The following HNRNPK variants were observed in gnomAD, a reference collection of about 807,000 sequenced individuals.
HNRNPK encodes heterogeneous nuclear ribonucleoprotein K, also known as dC-stretch binding protein.
HNRNPK carries 7 observed loss-of-function variants against 67.0 expected under a neutral mutation model. The observed-to-expected ratio is 0.10, with a 90% CI of 0.06 to 0.20. HNRNPK has a LOEUF of 0.20. Ranked by LOEUF, HNRNPK falls within the 10% of genes least tolerant of loss-of-function variation. HNRNPK has a pLI of 1.00. For missense variants in HNRNPK, 264 were observed against 606.5 expected (o/e 0.44, Z 5.93); for synonymous variants, 213 against 193.7 (o/e 1.10, Z -0.83).
chr9:83,971,749 A>T, intron 11 of HNRNPK, 23 bp from the exon 12 acceptor site: 1 of 1,610,586 alleles, frequency 6.2e-7, no homozygotes, highest in Non-Finnish European at 8.5e-7. Context: ...TACTTGTTGT[A>T]ATCTAAACGT....
In HNRNPK at chr9:83,969,014, T is replaced by TA. The variant is rs1226137562; in HGVS notation, c.*392dup. 1 of 336,904 alleles carries TA rather than the reference T, an allele frequency of 3.0e-6. No individual in the cohort carries two copies. The highest frequency in any genetic ancestry group is 5.4e-6 in the Non-Finnish European group (1 of 183,918). 20.9% of individuals were successfully genotyped at this position (336,904 alleles called of 1,614,324 possible). A position where few individuals can be genotyped will look rare whatever the true frequency, so the allele number is the denominator to read the frequency against. ...ATGCCAGGGACATGTGGACTATTGT[T>TA]ACTTTTCCTCCCTGTCCCACCCCCC... On this transcript the variant is annotated 3_prime_UTR_variant, in exon 17 of 17. Transcript: ENST00000376263.
intron 9 of HNRNPK, 138 bp from the exon 10 acceptor site, chr9:83,973,110 A>G: frequency 1.3e-6 from 1 of 767,980 alleles, no homozygotes; most frequent in South Asian, 1.9e-5. Flanking sequence ...GGGCTTTGCA[A>G]TGGTATAAAA....
intron 9 of HNRNPK, 23 bp downstream of exon 9, chr9:83,973,263 C>T (rs371350500): frequency 9.3e-6 from 12 of 1,292,496 alleles, no homozygotes; most frequent in East Asian, 4.6e-5. Flanking sequence ...GCAAAGAATA[C>T]GGCAGAATTT....
chr9:83,975,035 T>G (rs889243132), intron 6 of HNRNPK, among the ~76,000 whole-genome samples: 1 of 152,200 alleles, frequency 6.6e-6, no homozygotes, highest in Non-Finnish European at 1.5e-5. Flanking sequence ...AGATCACTAA[T>G]GGGCTCTGCA....
At chr9:83,979,878 C>T (rs2133081392) in intron 1 of HNRNPK, among the ~76,000 whole-genome samples, 1 of 152,328 alleles carries the variant, frequency 6.6e-6, no homozygotes, top group East Asian at 1.9e-4. Context: ...CACCGGCCTC[C>T]TTTCCTCCAC....
chr9:83,979,029 G>C (rs75429237), intron 1 of HNRNPK, among the ~76,000 whole-genome samples: 4,154 of 152,250 alleles, frequency 0.027, 205 homozygotes, highest in African/African-American at 0.096. Context: ...TGGAGCCCTT[G>C]AAAACTAACA....
chr9:83,979,747 C>T (rs1271622418), intron 1 of HNRNPK, among the ~76,000 whole-genome samples: 2 of 151,630 alleles, frequency 1.3e-5, no homozygotes, highest in Middle Eastern at 3.4e-3. Context: ...CTGCCCGAGA[C>T]AAAGCCATCG....
intron 8 of HNRNPK, 106 bp from the exon 9 acceptor site, chr9:83,973,505 G>C (rs1956947908): frequency 1.4e-6 from 1 of 699,502 alleles, no homozygotes; most frequent in South Asian, 1.7e-5. Context: ...TGAGCAACCT[G>C]AATTTATATT....
intron 4 of HNRNPK, 135 bp downstream of exon 4, chr9:83,977,554 C>G: frequency 1.7e-6 from 1 of 588,332 alleles, no homozygotes; most frequent in Non-Finnish European, 3.0e-6. Context: ...CCAGAGCCTT[C>G]AAGTCTGTTT....
rs1956825451 is a variant in HNRNPK at position 83,971,265 on chromosome 9, T to C, written c.1092+8A>G. 6.4e-7 allele frequency: 1 copy of C among 1,558,092 alleles called. No homozygotes were observed. The highest frequency in any genetic ancestry group is 1.4e-5 in the African/African-American group (1 of 73,780). On this transcript the variant is annotated splice_region_variant and intron_variant, in intron 13 of 16. Coordinates refer to ENST00000376263, the MANE Select transcript of HNRNPK (RefSeq NM_031263.4). ...CTGATATACACACGAACAACTATGA[T>C]ACTCAACCTGTGGTTCATAAGCCAT... is the stretch of plus-strand genomic sequence containing the variant.
In HNRNPK at chr9:83,973,267, A is replaced by G; in HGVS notation, c.516+19T>C. 1 of 1,318,252 alleles carries G rather than the reference A, an allele frequency of 7.6e-7. No homozygotes were observed. The highest frequency in any genetic ancestry group is 2.3e-5 in the East Asian group (1 of 43,518). 81.7% of individuals were successfully genotyped at this position (1,318,252 alleles called of 1,614,324 possible). ...TTTACTTTCCAGCAAAGAATACGGC[A>G]GAATTTTTTTTTTTTTACCTCTCGA... On this transcript the variant is annotated intron_variant, in intron 9 of 16. Transcript: ENST00000376263.
intron 9 of HNRNPK, among the ~76,000 whole-genome samples, 154 bp downstream of exon 9, chr9:83,973,132 A>G (rs548534808): frequency 9.2e-5 from 14 of 152,366 alleles, no homozygotes; most frequent in African/African-American, 2.4e-4. Context: ...TTTTGACAAA[A>G]TAACATGTCT....
chr9:83,971,178 AG>A lies in HNRNPK; in HGVS notation c.1092+94del, dbSNP rs1564060041. 3.8e-5 allele frequency: 35 copies of A among 917,398 alleles called. No individual in the cohort carries two copies. In the South Asian group the frequency reaches 4.5e-4, roughly 12 times the overall value. 56.8% of individuals were successfully genotyped at this position (917,398 alleles called of 1,614,324 possible). A position where few individuals can be genotyped will look rare whatever the true frequency, so the allele number is the denominator to read the frequency against. On this transcript the variant is annotated intron_variant, in intron 13 of 16. Coordinates refer to ENST00000376263, the MANE Select transcript of HNRNPK (RefSeq NM_031263.4). ...CAAAGTCCTCCTGTATCCTATTTTC[AG>A]TAAGTATCCTCAGGGGAATAAAAAA...
rs568250617 is a variant in HNRNPK, at chr9:83,978,095, A to C, written c.58+100T>G. 5.9e-5 allele frequency: 46 copies of C among 774,000 alleles called. No individual in the cohort carries two copies. In the East Asian group the frequency reaches 9.1e-4, roughly 15 times the overall value. 47.9% of individuals were successfully genotyped at this position (774,000 alleles called of 1,614,324 possible). ...ATCGCAGAATTACATAAACAGTAAT[A>C]CCAAAAATTCACCACACACTCCTAA... On this transcript the variant is annotated intron_variant, in intron 3 of 16. Transcript: ENST00000376263.
At chr9:83,970,381 A>T in intron 15 of HNRNPK, 50 bp from the exon 16 acceptor site, 2 of 1,373,266 alleles carry the variant, frequency 1.5e-6, no homozygotes, top group Admixed American at 3.9e-5. Context: ...TTTAACATTT[A>T]CTACCTGTAT....
Position 83,972,693 on chromosome 9 carries a change from A to G in HNRNPK, c.645+151T>C, listed in dbSNP as rs964968768. 7.0e-5 allele frequency: 38 copies of G among 542,996 alleles called. No individual in the cohort carries two copies. In the Admixed American group the frequency reaches 1.3e-3, roughly 18 times the overall value. 33.6% of individuals were successfully genotyped at this position (542,996 alleles called of 1,614,324 possible). ...CTCCACTTTTTCAAAACCATTTTTA[A>G]ATTAAAGTGATGGCTGAAGCCAGGT... On this transcript the variant is annotated intron_variant, in intron 10 of 16. Transcript: ENST00000376263.
At chr9:83,975,315 A>G in intron 6 of HNRNPK, 147 bp downstream of exon 6, 1 of 752,114 alleles carries the variant, frequency 1.3e-6, no homozygotes, top group Non-Finnish European at 2.2e-6. Context: ...TTCAGTGACA[A>G]AAAGACTTAA....
At chr9:83,973,030 G>A in intron 9 of HNRNPK, 58 bp from the exon 10 acceptor site, 1 of 1,306,224 alleles carries the variant, frequency 7.7e-7, no homozygotes, top group Non-Finnish European at 1.1e-6. Context: ...GCTTTCCTAG[G>A]TTCAGTGAAA....
At position 83,969,460 on chromosome 9, in the gene HNRNPK, A is replaced by G. The variant is rs777019294; in HGVS notation, c.1362-20T>C. Reference sequence around the variant, plus strand: ...TTCACACTATAAAAGAAAAGAAAAAAAAGTGCGAATTAGAATTTTTGCTCG... The same window carrying G: ...TTCACACTATAAAAGAAAAGAAAAAGAAGTGCGAATTAGAATTTTTGCTCG... On this transcript the variant is annotated intron_variant, in intron 16 of 16. Transcript: ENST00000376263. The G allele has an allele frequency of 1.0e-5, 16 of 1,543,708 alleles. No homozygotes were observed. Among genetic ancestry groups the G allele is most frequent in the Non-Finnish European group, 1.4e-5 (16 of 1,132,132 alleles).
Sources: gnomAD v4.1 joint callset for allele counts (sites outside exome capture counted in the v4.1 genomes callset) on GRCh38, gnomAD v4.1.1 for gene constraint, MANE v1.5 for transcripts, NCBI Gene and HGNC (gene_info 2026-07-23, HGNC 2026-07-21) for gene names.